The following CAST variants were observed in gnomAD, a reference collection of about 807,000 sequenced individuals.
CAST encodes calpastatin.
Under a neutral mutation model 119.6 loss-of-function variants are expected in CAST, and 76 were observed. The observed-to-expected ratio is 0.64, with a 90% CI of 0.53 to 0.77. CAST has a LOEUF of 0.77. Among genes scored for constraint, CAST ranks in the 30% least tolerant of loss-of-function variants. CAST has a pLI of 0.00. For missense variants in CAST, 953 were observed against 946.5 expected, an observed-to-expected ratio of 1.01 and a Z score of -0.09; for synonymous variants, 319 against 331.6, an observed-to-expected ratio of 0.96 and a Z score of 0.41.
intron 3 of CAST, among the ~76,000 whole-genome samples, chr5:96,717,691 G>A (rs1443309039): frequency 6.6e-6 from 1 of 152,140 alleles, no homozygotes; most frequent in Non-Finnish European, 1.5e-5. Flanking sequence ...CTTTTAACCT[G>A]TGTGTTATGC....
chr5:96,592,908 G>T (rs959788622), intron 1 of CAST, among the ~76,000 whole-genome samples: 12 of 152,094 alleles, frequency 7.9e-5, no homozygotes, highest in Non-Finnish European at 4.4e-5. Context: ...GGGACTACAG[G>T]CGCCTGCCAC....
the CAST span, among the ~76,000 whole-genome samples, chr5:96,416,863 C>A: frequency 3.3e-5 from 5 of 152,164 alleles, no homozygotes; most frequent in Admixed American, 3.3e-4. Context: ...TTCCAAACAC[C>A]AAATTCCACC....
chr5:96,694,434 G>C (rs924039966), intron 2 of CAST, among the ~76,000 whole-genome samples: 3 of 152,120 alleles, frequency 2.0e-5, no homozygotes, highest in Non-Finnish European at 2.9e-5. Context: ...TCAGGAGATC[G>C]AGACCATTCT....
the CAST span, among the ~76,000 whole-genome samples, chr5:96,352,543 T>C: frequency 1.3e-5 from 2 of 152,172 alleles, no homozygotes; most frequent in Admixed American, 6.5e-5. Context: ...TTTTAGCTTT[T>C]TCTCTATGTA....
At chr5:96,202,555 C>A in the CAST span, among the ~76,000 whole-genome samples, 2 of 151,868 alleles carry the variant, frequency 1.3e-5, no homozygotes, top group African/African-American at 4.8e-5. Context: ...GACAAAAAAA[C>A]AAAAATACAA....
chr5:96,260,984 C>T, the CAST span, among the ~76,000 whole-genome samples: 6 of 152,210 alleles, frequency 3.9e-5, no homozygotes, highest in African/African-American at 1.4e-4. Flanking sequence ...CTAATGGAAC[C>T]TGCTCATCCT....
the CAST span, among the ~76,000 whole-genome samples, chr5:96,263,141 G>A: frequency 6.6e-6 from 1 of 152,122 alleles, no homozygotes; most frequent in Non-Finnish European, 1.5e-5. Context: ...CTTGCAGTAG[G>A]GTATGGGCGT....
At chr5:96,008,119 C>G in the CAST span, among the ~76,000 whole-genome samples, 4 of 152,130 alleles carry the variant, frequency 2.6e-5, no homozygotes, top group African/African-American at 9.7e-5. Context: ...GAAATAAATG[C>G]CTGTTGTTTA....
chr5:96,672,333 C>CG (rs552181645), intron 1 of CAST, among the ~76,000 whole-genome samples: 140 of 152,064 alleles, frequency 9.2e-4, no homozygotes, highest in South Asian at 3.1e-3. Flanking sequence ...GAAATCTGAG[C>CG]GGGGGGAATA....
At chr5:96,691,918 A>G (rs889500632) in intron 2 of CAST, among the ~76,000 whole-genome samples, 4 of 152,032 alleles carry the variant, frequency 2.6e-5, no homozygotes, top group African/African-American at 9.7e-5. Context: ...TGACACAGCA[A>G]CTCTTTGCCT....
chr5:96,575,093 A>G (rs890029248), intron 1 of CAST, among the ~76,000 whole-genome samples: 4 of 152,124 alleles, frequency 2.6e-5, no homozygotes, highest in African/African-American at 9.7e-5. Context: ...TTTAATCTGC[A>G]TTTTATAATT....
Position 96,730,948 on chromosome 5 carries a change from C to T in CAST, c.630+88C>T, listed in dbSNP as rs151904. The T allele has an allele frequency of 0.72, 727,071 of 1,015,394 alleles. 261,641 individuals carry two copies. The highest frequency in any genetic ancestry group is 0.82 in the Admixed American group (45,675 of 55,768). 62.9% of individuals were successfully genotyped at this position (1,015,394 alleles called of 1,614,324 possible). ...AACGTATGCTCAAATAACCTATCATCTGGCAAAACTGAACACTGCTTATAT... is the reference window on the plus strand; with the variant it reads ...AACGTATGCTCAAATAACCTATCATTTGGCAAAACTGAACACTGCTTATAT... On this transcript the variant is annotated intron_variant, in intron 9 of 31. Transcript: ENST00000675179.
At chr5:96,494,169 C>T in the CAST span, among the ~76,000 whole-genome samples, 1 of 152,138 alleles carries the variant, frequency 6.6e-6, no homozygotes, top group Non-Finnish European at 1.5e-5. Context: ...AACCATTCCC[C>T]AGATAACAAG....
At chr5:96,646,091 C>T (rs889883861) in intron 1 of CAST, among the ~76,000 whole-genome samples, 6 of 152,080 alleles carry the variant, frequency 3.9e-5, no homozygotes, top group Middle Eastern at 3.4e-3. Context: ...ATGTTTTTGT[C>T]GCATTACATT....
At chr5:96,106,287 C>G in the CAST span, among the ~76,000 whole-genome samples, 2 of 152,082 alleles carry the variant, frequency 1.3e-5, no homozygotes, top group Non-Finnish European at 2.9e-5. Context: ...TTTGCTCTTG[C>G]TTTTCTAGTT....
At chr5:96,404,983 G>T in the CAST span, among the ~76,000 whole-genome samples, 2 of 152,144 alleles carry the variant, frequency 1.3e-5, no homozygotes, top group Non-Finnish European at 2.9e-5. Flanking sequence ...CTCCATAGTT[G>T]TTCCTGTGGG....
the CAST span, among the ~76,000 whole-genome samples, chr5:96,081,968 T>C: frequency 6.6e-6 from 1 of 152,124 alleles, no homozygotes; most frequent in South Asian, 2.1e-4. Flanking sequence ...GGCTGGAGTG[T>C]AGCGGCGTGA....
chr5:96,430,450 T>C, the CAST span, among the ~76,000 whole-genome samples: 2 of 152,194 alleles, frequency 1.3e-5, no homozygotes, highest in South Asian at 4.1e-4. Flanking sequence ...TCAGTGAATC[T>C]TCCTATAAGC....
At chr5:96,506,343 C>T in the CAST span, among the ~76,000 whole-genome samples, 3 of 152,186 alleles carry the variant, frequency 2.0e-5, no homozygotes, top group Non-Finnish European at 4.4e-5. Flanking sequence ...AGCTGAGGCA[C>T]CAAGTATCAG....
Sources: allele counts gnomAD v4.1 joint callset (sites outside exome capture counted in the v4.1 genomes callset), GRCh38; gene constraint gnomAD v4.1.1; transcripts MANE v1.5; gene names NCBI Gene and HGNC (gene_info 2026-07-23, HGNC 2026-07-21).